DNMT3A: variants seen among roughly 807,000 people sequenced by gnomAD.
DNMT3A encodes the protein DNA (cytosine-5)-methyltransferase 3A.
Under a neutral mutation model 117.6 loss-of-function variants are expected in DNMT3A, and 267 were observed. That is an observed-to-expected ratio of 2.27 (90% CI 2.05 to 2.51). The LOEUF is 2.51. Among genes scored for constraint, DNMT3A ranks in the 30% most tolerant of loss-of-function variants. The probability of loss-of-function intolerance (pLI) is 0.00; values close to 1 mark genes in which losing one functional copy is unlikely to be tolerated. For synonymous variants in DNMT3A, 432 were observed against 474.8 expected (o/e 0.91, Z 1.17); for missense variants, 1,029 against 1,260.2 (o/e 0.82, Z 2.78).
chr2:25,242,859 G>C (rs1371640205), intron 16 of DNMT3A, among the ~76,000 whole-genome samples: 1 of 152,152 alleles, frequency 6.6e-6, no homozygotes, highest in East Asian at 1.9e-4. Flanking sequence ...TTTTCCTAAG[G>C]AGGGAATGGT....
At position 25,293,280 on chromosome 2, in the gene DNMT3A, C is replaced by T. The variant is rs955226000; in HGVS notation, c.177+6859G>A. Among the ~76,000 whole-genome samples the T allele has an allele frequency of 6.6e-6, 1 of 152,138 alleles. No individual in the cohort carries two copies. Among genetic ancestry groups the T allele is most frequent in the African/African-American group, 2.4e-5 (1 of 41,428 alleles). On this transcript the variant is annotated intron_variant, in intron 3 of 22. Transcript: ENST00000321117. The surrounding 1 kb of genome is among the most constrained non-coding windows in gnomAD (Gnocchi z 4.7). Reference sequence around the variant, plus strand: ...CCCACAGGCCCTGGGACTTTGCTGGCGCCCCTGCCCCCTCCCCTCTCCCAG... The same window carrying T: ...CCCACAGGCCCTGGGACTTTGCTGGTGCCCCTGCCCCCTCCCCTCTCCCAG...
intron 6 of DNMT3A, among the ~76,000 whole-genome samples, chr2:25,260,026 C>G (rs992432806): frequency 1.3e-5 from 2 of 152,202 alleles, no homozygotes; most frequent in Non-Finnish European, 2.9e-5. Flanking sequence ...CTTGTTACCA[C>G]AATCAGACTG....
chr2:25,267,369 T>C (rs922727843), intron 6 of DNMT3A, among the ~76,000 whole-genome samples: 1 of 151,578 alleles, frequency 6.6e-6, no homozygotes, highest in African/African-American at 2.4e-5. Context: ...AGCCCAGGAG[T>C]TCAAAGCCAG....
intron 1 of DNMT3A, among the ~76,000 whole-genome samples, chr2:25,332,270 T>C (rs2035042387): frequency 1.3e-5 from 2 of 152,182 alleles, no homozygotes; most frequent in African/African-American, 4.8e-5. Flanking sequence ...TGCAGCCACA[T>C]GGGGCCAGAA....
At chr2:25,246,824 G>A (rs2149304008) in intron 9 of DNMT3A, 48 bp from the exon 10 acceptor site, 1 of 1,601,554 alleles carries the variant, frequency 6.2e-7, no homozygotes, top group East Asian at 2.2e-5. Flanking sequence ...AGGCTGGAAG[G>A]CAGATGGGTC....
intron 6 of DNMT3A, among the ~76,000 whole-genome samples, chr2:25,272,803 CTT>C (rs1217338234): frequency 9.2e-5 from 12 of 130,652 alleles, no homozygotes; most frequent in Middle Eastern, 3.5e-3. Flanking sequence ...TGCACTTTCT[CTT>C]TTTTTTTTTT....
intron 2 of DNMT3A, among the ~76,000 whole-genome samples, chr2:25,309,437 C>T (rs1309942487): frequency 2.0e-5 from 3 of 152,060 alleles, no homozygotes; most frequent in African/African-American, 7.3e-5. Context: ...GCAGTTCTTG[C>T]TGGAGATGAA....
At chr2:25,312,594 G>T (rs1366425611) in intron 2 of DNMT3A, among the ~76,000 whole-genome samples, 1 of 152,200 alleles carries the variant, frequency 6.6e-6, no homozygotes. Context: ...AGAACAGGCT[G>T]TCATCTGGAC....
Position 25,228,199 on chromosome 2 carries a change from C to CAAAAAAAA in DNMT3A, c.*6079_*6080insTTTTTTTT, listed in dbSNP as rs1355605914. The CAAAAAAAA allele has an allele frequency of 2.7e-4, 1 of 3,716 alleles. No homozygotes were observed. Among genetic ancestry groups the CAAAAAAAA allele is most frequent in the African/African-American group, 1.1e-3 (1 of 880 alleles). 0.2% of individuals were successfully genotyped at this position (3,716 alleles called of 1,614,324 possible). A position where few individuals can be genotyped will look rare whatever the true frequency, so the allele number is the denominator to read the frequency against. ...ATTGTCAATAAATAGAGAAGCAACC[C>CAAAAAAAA]TAAAAAAAAAAAAAAAAAAAAAAAA... On this transcript the variant is annotated 3_prime_UTR_variant, in exon 23 of 23. Transcript: ENST00000321117.
intron 6 of DNMT3A, among the ~76,000 whole-genome samples, chr2:25,266,460 T>G (rs1484194323): frequency 8.9e-6 from 1 of 112,654 alleles, no homozygotes; most frequent in African/African-American, 3.2e-5. Context: ...AGATCACACC[T>G]TATTATCTCC....
In DNMT3A at chr2:25,327,052, G is replaced by A. The variant is rs1213840523; in HGVS notation, c.-177-12891C>T. On this transcript the variant is annotated intron_variant, in intron 1 of 22. Coordinates refer to ENST00000321117, the MANE Select transcript of DNMT3A (RefSeq NM_022552.5). This position sits in a 1 kb window ranked among gnomAD's most constrained non-coding sequence, Gnocchi z 4.1. ...AGACGTTGCCATCCAGGGAGCCATC[G>A]CCACACCCTCTCCATCAAGGTGTGG... 2.0e-5 allele frequency among the ~76,000 whole-genome samples: 3 copies of A among 152,208 alleles called. No individual in the cohort carries two copies. The highest frequency in any genetic ancestry group is 4.1e-4 in the South Asian group (2 of 4,826).
At chr2:25,259,007 C>A (rs1676387563) in intron 6 of DNMT3A, among the ~76,000 whole-genome samples, 1 of 152,208 alleles carries the variant, frequency 6.6e-6, no homozygotes, top group African/African-American at 2.4e-5. Flanking sequence ...GATACCCTCA[C>A]CTCCCCTTCT....
chr2:25,267,157 G>A (rs1350815593), intron 6 of DNMT3A, among the ~76,000 whole-genome samples: 1 of 152,112 alleles, frequency 6.6e-6, no homozygotes, highest in Non-Finnish European at 1.5e-5. Context: ...TTCCATTTGT[G>A]TAAAAAGAAC....
chr2:25,245,619 G>A (rs1462087811), intron 12 of DNMT3A, among the ~76,000 whole-genome samples: 2 of 152,204 alleles, frequency 1.3e-5, no homozygotes, highest in African/African-American at 2.4e-5. Flanking sequence ...AGGGATTCCC[G>A]GGGTAATCCT....
rs912440580 is a variant in DNMT3A, at chr2:25,327,514, T to A, written c.-177-13353A>T. 6.6e-6 allele frequency among the ~76,000 whole-genome samples: 1 copy of A among 152,168 alleles called. No individual in the cohort carries two copies. The highest frequency in any genetic ancestry group is 1.5e-5 in the Non-Finnish European group (1 of 68,034). On this transcript the variant is annotated intron_variant, in intron 1 of 22. Transcript: ENST00000321117. The surrounding 1 kb of genome is among the most constrained non-coding windows in gnomAD (Gnocchi z 4.1). Reference sequence around the variant, plus strand: ...CTGTGTGTTCTCTCCCAGCCATGACTCCATCTGGCTCCTTGCTTCTGGGTC... The same window carrying A: ...CTGTGTGTTCTCTCCCAGCCATGACACCATCTGGCTCCTTGCTTCTGGGTC...
In DNMT3A at chr2:25,246,054, C is replaced by T. The variant is rs2149298665; in HGVS notation, c.1440G>A (p.Val480=). 1 of 1,614,180 alleles carries T rather than the reference C, an allele frequency of 6.2e-7. No homozygotes were observed. The highest frequency in any genetic ancestry group is 8.5e-7 in the Non-Finnish European group (1 of 1,180,002). ...TCCGGCACTTCTGCCGCACCTCGTA[C>T]ACCAGCCGCTCTGCAAGGGGAGGAG... The part of the protein sequence containing the change: ...IIDERTRERL[V]YEVRQKCRNI... Residue 480 remains valine, a synonymous_variant, in exon 12 of 23, where the codon GTG becomes GTA. Transcript: ENST00000321117.
At chr2:25,245,365 C>T (rs866311041) in intron 12 of DNMT3A, 33 bp from the exon 13 acceptor site, 1 of 1,596,008 alleles carries the variant, frequency 6.3e-7, no homozygotes, top group African/African-American at 1.3e-5. Flanking sequence ...GGGGTGAGTA[C>T]CACCGAAGGG....
At chr2:25,245,222 C>A in intron 13 of DNMT3A, 31 bp downstream of exon 13, 1 of 1,608,136 alleles carries the variant, frequency 6.2e-7, no homozygotes, top group Non-Finnish European at 8.5e-7. Flanking sequence ...CCGGCCTCAA[C>A]GGCACCTCTC....
Position 25,247,197 on chromosome 2 carries a change from A to G in DNMT3A, c.1015-39T>C, listed in dbSNP as rs762822749. ...CCAGGCCTTGTTTGCCGAGGCTTAC[A>G]CTTGCAAGCACCCACCCCATGCCTT... On this transcript the variant is annotated intron_variant, in intron 8 of 22. Transcript: ENST00000321117. This position sits in a 1 kb window ranked among gnomAD's most constrained non-coding sequence, Gnocchi z 5.6. 3.1e-6 allele frequency: 5 copies of G among 1,597,232 alleles called. No homozygotes were observed. Among genetic ancestry groups the G allele is most frequent in the South Asian group, 1.1e-5 (1 of 89,408 alleles).
Sources: allele counts gnomAD v4.1 joint callset (sites outside exome capture counted in the v4.1 genomes callset), GRCh38; gene constraint gnomAD v4.1.1; non-coding constraint Gnocchi (gnomAD v3.1); transcripts MANE v1.5; gene names NCBI Gene and HGNC (gene_info 2026-07-23, HGNC 2026-07-21).